Variants in C20orf96 observed in about 807,000 individuals in gnomAD.
C20orf96 encodes uncharacterized protein C20orf96.
Under a neutral mutation model 52.6 loss-of-function variants are expected in C20orf96, and 57 were observed. The ratio of observed to expected loss-of-function variants is 1.08; its 90% CI spans 0.88 to 1.35. The LOEUF (loss-of-function observed/expected upper bound fraction) is 1.35. Ranked by LOEUF, C20orf96 falls within the 40% of genes most tolerant of loss-of-function variation. The pLI is 0.00. For missense variants in C20orf96, 478 were observed against 443.6 expected (o/e 1.08, Z -0.70); for synonymous variants, 168 against 157.2 (o/e 1.07, Z -0.51).
intron 10 of C20orf96, 101 bp from the exon 11 acceptor site, chr20:271,368 G>A: frequency 1.1e-6 from 1 of 928,842 alleles, no homozygotes; most frequent in Non-Finnish European, 1.6e-6. Context: ...GTACGTACTT[G>A]GGTTGGGGGG....
At chr20:274,144 G>A (rs2011941784) in intron 10 of C20orf96, among the ~76,000 whole-genome samples, 2 of 151,946 alleles carry the variant, frequency 1.3e-5, no homozygotes, top group African/African-American at 4.8e-5. Flanking sequence ...GGTGTTTCCT[G>A]GGCATGTTCC....
chr20:279,102 CGGAGGGAGGGAGGGAG>C, intron 5 of C20orf96, 54 bp downstream of exon 5: 3 of 609,442 alleles, frequency 4.9e-6, no homozygotes, highest in Non-Finnish European at 5.9e-6. Flanking sequence ...GACGGAGGGA[CGGAGGGAGGGAGGGAG>C]GGACGGAGGT....
At chr20:279,485 G>A (rs1165689892) in intron 4 of C20orf96, among the ~76,000 whole-genome samples, 155 bp from the exon 5 acceptor site, 1 of 152,124 alleles carries the variant, frequency 6.6e-6, no homozygotes, top group Admixed American at 6.5e-5. Context: ...GTTCCCCATT[G>A]TCTGCGCCGC....
intron 4 of C20orf96, 97 bp from the exon 5 acceptor site, chr20:279,427 C>T (rs1007266613): frequency 2.2e-6 from 3 of 1,344,972 alleles, no homozygotes; most frequent in Non-Finnish European, 2.9e-6. Flanking sequence ...CCGCCAGACG[C>T]CCGCCCCCGT....
rs540821554 is a variant in C20orf96 at position 271,340 on chromosome 20, C to T, written c.1032-73G>A. On this transcript the variant is annotated intron_variant, in intron 10 of 10. Coordinates refer to ENST00000360321, the MANE Select transcript of C20orf96 (RefSeq NM_153269.3). ...GTGGGAGCACCCACTCAGAGGAGCC[C>T]TGCTCTTTAGAACTCTGGTACGTAC... The T allele has an allele frequency of 4.4e-5, 56 of 1,267,006 alleles. No individual in the cohort carries two copies. The African/African-American group carries it at 7.7e-4, about 17-fold the overall frequency. The allele number at this position is 1,267,006 out of a possible 1,614,324, so 78.5% of individuals were successfully genotyped here. A position where few individuals can be genotyped will look rare whatever the true frequency, so the allele number is the denominator to read the frequency against.
intron 9 of C20orf96, 76 bp from the exon 10 acceptor site, chr20:276,162 C>A (rs112654430): frequency 6.2e-7 from 1 of 1,604,100 alleles, no homozygotes; most frequent in Admixed American, 1.7e-5. Flanking sequence ...CCAAAATGAA[C>A]GAGGAGCAAA....
chr20:275,726 C>A (rs1001624269), intron 10 of C20orf96, among the ~76,000 whole-genome samples: 130 of 152,302 alleles, frequency 8.5e-4, no homozygotes, highest in African/African-American at 3.1e-3. Flanking sequence ...ACTAGAAGGG[C>A]CCTTAGAGAT....
At chr20:288,810 T>C (rs902949489) in intron 3 of C20orf96, among the ~76,000 whole-genome samples, 1 of 152,232 alleles carries the variant, frequency 6.6e-6, no homozygotes, top group Non-Finnish European at 1.5e-5. Flanking sequence ...GTCTATGAAG[T>C]TCATTTCAGG....
chr20:278,280 T>C, intron 6 of C20orf96, 50 bp downstream of exon 6: 1 of 1,381,094 alleles, frequency 7.2e-7, no homozygotes, highest in Non-Finnish European at 1.0e-6. Flanking sequence ...GCTGCTGACC[T>C]CCCCAAGGTG....
intron 3 of C20orf96, among the ~76,000 whole-genome samples, chr20:288,283 C>T (rs2012448940): frequency 6.7e-6 from 1 of 149,774 alleles, no homozygotes; most frequent in African/African-American, 2.5e-5. Context: ...TCTGAAAAAC[C>T]CATTGGGAAT....
intron 10 of C20orf96, among the ~76,000 whole-genome samples, chr20:273,587 A>T (rs758891025): frequency 6.6e-6 from 1 of 152,122 alleles, no homozygotes; most frequent in Non-Finnish European, 1.5e-5. Context: ...TTAGAAATGC[A>T]GAATCAGGCT....
intron 3 of C20orf96, among the ~76,000 whole-genome samples, chr20:286,531 A>C (rs1188785085): frequency 1.3e-5 from 2 of 151,496 alleles, no homozygotes; most frequent in South Asian, 4.2e-4. Flanking sequence ...TCTGTCTGAA[A>C]AAAAGGAAAG....
chr20:279,362 G>A (rs759243055), intron 4 of C20orf96, 32 bp from the exon 5 acceptor site: 10 of 1,590,026 alleles, frequency 6.3e-6, no homozygotes, highest in South Asian at 5.5e-5. Flanking sequence ...GAGAGGCGGC[G>A]CTGCGCCCTG....
chr20:289,465 C>T (rs1438512523), intron 3 of C20orf96, 94 bp downstream of exon 3: 4 of 780,672 alleles, frequency 5.1e-6, no homozygotes, highest in Non-Finnish European at 9.2e-6. Flanking sequence ...CATCAGTTAG[C>T]CTACCCTAAT....
At chr20:283,144 A>G (rs1371481916) in intron 4 of C20orf96, among the ~76,000 whole-genome samples, 1 of 152,170 alleles carries the variant, frequency 6.6e-6, no homozygotes, top group East Asian at 1.9e-4. Context: ...TCCTTTAGGC[A>G]TTTCAAATAC....
At chr20:278,942 G>GGGGC (rs1388900818) in intron 5 of C20orf96, among the ~76,000 whole-genome samples, 1 of 8,222 alleles carries the variant, frequency 1.2e-4, no homozygotes, top group African/African-American at 5.9e-4. Context: ...GAGGGAGGGC[G>GGGGC]GGACGGAGGG....
At chr20:279,379 C>A (rs762442239) in intron 4 of C20orf96, 49 bp from the exon 5 acceptor site, 1 of 1,567,972 alleles carries the variant, frequency 6.4e-7, no homozygotes, top group South Asian at 1.1e-5. Flanking sequence ...CCTGCCCGGC[C>A]TGAGCCCCCG....
chr20:280,760 T>C (rs1024400416), intron 4 of C20orf96, among the ~76,000 whole-genome samples: 4 of 152,208 alleles, frequency 2.6e-5, no homozygotes, highest in Non-Finnish European at 5.9e-5. Flanking sequence ...CCACTTACCA[T>C]CTAAGAGAAT....
Position 271,196 on chromosome 20 carries a change from G to A in C20orf96, c.*11C>T, listed in dbSNP as rs1379763212. 9.7e-6 allele frequency: 15 copies of A among 1,552,818 alleles called. No individual in the cohort carries two copies. Among genetic ancestry groups the A allele is most frequent in the East Asian group, 2.4e-5 (1 of 41,226 alleles). Reference sequence around the variant, plus strand: ...AGAGCAGGAGGGGAGGGCGGCCCATGGCACTGCCATCTAGAAGGGTAGTGG... The same window carrying A: ...AGAGCAGGAGGGGAGGGCGGCCCATAGCACTGCCATCTAGAAGGGTAGTGG... On this transcript the variant is annotated 3_prime_UTR_variant, in exon 11 of 11. Coordinates refer to ENST00000360321, the MANE Select transcript of C20orf96 (RefSeq NM_153269.3).
Sources: allele counts gnomAD v4.1 joint callset (sites outside exome capture counted in the v4.1 genomes callset), GRCh38; gene constraint gnomAD v4.1.1; transcripts MANE v1.5; gene names NCBI Gene and HGNC (gene_info 2026-07-23, HGNC 2026-07-21).